Variants in ZNG1F observed in about 807,000 individuals in gnomAD.
ZNG1F encodes the protein zinc-regulated GTPase metalloprotein activator 1F.
chr9:41,131,829 C>G, the ZNG1F span: 8 of 400,928 alleles, frequency 2.0e-5, 1 homozygote, highest in South Asian at 1.6e-4. Context: ...ATATCCTTAT[C>G]TAAATTTCTG....
chr9:41,145,998 C>T, the ZNG1F span: 4 of 130,294 alleles, frequency 3.1e-5, no homozygotes, highest in Non-Finnish European at 6.6e-5. Flanking sequence ...GGGGAAAGGA[C>T]TGAAAACCTT....
chr9:41,173,786 G>T, the ZNG1F span, among the ~76,000 whole-genome samples: 1 of 138,632 alleles, frequency 7.2e-6, no homozygotes, highest in Non-Finnish European at 1.6e-5. Flanking sequence ...GTGACATCGA[G>T]TTCCACCACT....
At chr9:41,138,860 T>A in the ZNG1F span, among the ~76,000 whole-genome samples, 1 of 134,764 alleles carries the variant, frequency 7.4e-6, no homozygotes, top group African/African-American at 3.0e-5. Flanking sequence ...GTTCATTGAA[T>A]ATTTCTCCCT....
chr9:41,132,171 T>G, the ZNG1F span: 1 of 1,578,634 alleles, frequency 6.3e-7, no homozygotes, highest in Non-Finnish European at 8.6e-7. Flanking sequence ...GCACATGATA[T>G]CCCTTTCAAA....
At chr9:41,201,855 G>C in the ZNG1F span, among the ~76,000 whole-genome samples, 1 of 150,556 alleles carries the variant, frequency 6.6e-6, no homozygotes, top group Non-Finnish European at 1.5e-5. Flanking sequence ...GTGAATTTCT[G>C]ATCAGAAAGG....
At chr9:41,183,755 T>A in the ZNG1F span, 1 of 1,579,892 alleles carries the variant, frequency 6.3e-7, no homozygotes, top group East Asian at 2.3e-5. Context: ...ATAATGGAGA[T>A]CTTAAAGCAG....
chr9:41,169,991 G>GA, the ZNG1F span, among the ~76,000 whole-genome samples: 3 of 89,098 alleles, frequency 3.4e-5, no homozygotes, highest in Non-Finnish European at 6.5e-5. Context: ...AGAAAGAAAA[G>GA]AAAAAACTAT....
At chr9:41,152,463 G>C in the ZNG1F span, among the ~76,000 whole-genome samples, 1 of 143,250 alleles carries the variant, frequency 7.0e-6, no homozygotes, top group African/African-American at 2.6e-5. Flanking sequence ...AGTCAACAAG[G>C]ATACCCAGGA....
chr9:41,199,788 C>T, the ZNG1F span, among the ~76,000 whole-genome samples: 2 of 152,090 alleles, frequency 1.3e-5, no homozygotes, highest in Non-Finnish European at 1.5e-5. Flanking sequence ...GTTTCCCAAA[C>T]CTCAATTCTT....
chr9:41,152,530 C>A, the ZNG1F span, among the ~76,000 whole-genome samples: 1 of 141,040 alleles, frequency 7.1e-6, no homozygotes, highest in Non-Finnish European at 1.6e-5. Context: ...ACTCTCCACC[C>A]CAAATCAACA....
the ZNG1F span, among the ~76,000 whole-genome samples, chr9:41,185,650 C>G: frequency 6.6e-6 from 1 of 151,894 alleles, no homozygotes; most frequent in African/African-American, 2.4e-5. Flanking sequence ...TCCAGCCTGG[C>G]AACAGAGAGA....
the ZNG1F span, chr9:41,177,388 AG>A: frequency 7.0e-6 from 1 of 143,724 alleles, no homozygotes; most frequent in Non-Finnish European, 1.5e-5. Context: ...AAAATAAAGA[AG>A]AAAACTCTCA....
the ZNG1F span, among the ~76,000 whole-genome samples, chr9:41,138,574 G>C: frequency 1.7e-4 from 4 of 23,588 alleles, no homozygotes. Flanking sequence ...TTTAACAAAC[G>C]TTTAGATTTC....
At chr9:41,198,408 GA>G in the ZNG1F span, among the ~76,000 whole-genome samples, 3 of 144,868 alleles carry the variant, frequency 2.1e-5, no homozygotes, top group South Asian at 2.3e-4. Context: ...ATCTCCAAAG[GA>G]AAAAAAAAGA....
At chr9:41,183,512 T>C in the ZNG1F span, 821,263 of 1,476,948 alleles carry the variant, frequency 0.56, 244,916 homozygotes, top group Non-Finnish European at 0.59. Context: ...GCTGGAAATA[T>C]AATCAATAAA....
At chr9:41,186,903 CTTATAT>C in the ZNG1F span, among the ~76,000 whole-genome samples, 2 of 109,830 alleles carry the variant, frequency 1.8e-5, no homozygotes, top group Non-Finnish European at 3.8e-5. Context: ...GAGATGAAGG[CTTATAT>C]TTAGAGTACT....
chr9:41,184,322 C>T, the ZNG1F span, among the ~76,000 whole-genome samples: 1 of 136,338 alleles, frequency 7.3e-6, no homozygotes, highest in Non-Finnish European at 1.6e-5. Flanking sequence ...CCTGTAGTCC[C>T]AGCTACTCAG....
the ZNG1F span, among the ~76,000 whole-genome samples, chr9:41,199,667 CT>C: frequency 1.3e-5 from 2 of 150,954 alleles, no homozygotes; most frequent in South Asian, 4.2e-4. Context: ...AGTAGGGACT[CT>C]GTTTGGGGGC....
At chr9:41,166,461 T>C in the ZNG1F span, among the ~76,000 whole-genome samples, 3 of 141,944 alleles carry the variant, frequency 2.1e-5, no homozygotes, top group Non-Finnish European at 4.6e-5. Context: ...TATATATATA[T>C]ATATATATAT....
Sources: allele counts gnomAD v4.1 joint callset (sites outside exome capture counted in the v4.1 genomes callset), GRCh38; gene constraint gnomAD v4.1.1; transcripts MANE v1.5; gene names NCBI Gene and HGNC (gene_info 2026-07-23, HGNC 2026-07-21).